The following SDHA variants were observed in gnomAD, a reference collection of about 807,000 sequenced individuals.
SDHA encodes the protein succinate dehydrogenase complex flavoprotein subunit A, also known as succinate dehydrogenase [ubiquinone] flavoprotein subunit, mitochondrial.
Under a neutral mutation model 78.4 loss-of-function variants are expected in SDHA, and 48 were observed. The ratio of observed to expected loss-of-function variants is 0.61; its 90% confidence interval spans 0.49 to 0.78. The LOEUF is 0.78. Ranked by LOEUF, SDHA falls within the 30% of genes least tolerant of loss-of-function variation. The probability of loss-of-function intolerance (pLI) is 0.00; values close to 1 mark genes in which losing one functional copy is unlikely to be tolerated. For missense variants in SDHA, 680 were observed against 892.7 expected (o/e 0.76, Z 3.04); for synonymous variants, 326 against 353.9 (o/e 0.92, Z 0.88).
chr5:262,580 A>AACCATCCCC, the SDHA span, among the ~76,000 whole-genome samples: 12 of 152,140 alleles, frequency 7.9e-5, no homozygotes, highest in Admixed American at 5.9e-4. Flanking sequence ...TTCATCTCCA[A>AACCATCCCC]ACCATCCCCA....
At chr5:234,941 T>A in intron 8 of SDHA, 1 of 643,596 alleles carries the variant, frequency 1.6e-6, no homozygotes, top group East Asian at 2.8e-5. Context: ...GTTCTGGTTC[T>A]CAGCTGTGTC....
intron 5 of SDHA, among the ~76,000 whole-genome samples, chr5:227,232 A>G (rs144351807): frequency 1.2e-3 from 177 of 152,190 alleles, no homozygotes; most frequent in African/African-American, 4.2e-3. Context: ...CTGGTCCCGA[A>G]CTCCTGAGCT....
chr5:222,070 T>G (rs918147345), intron 1 of SDHA, among the ~76,000 whole-genome samples: 3 of 152,210 alleles, frequency 2.0e-5, no homozygotes, highest in Non-Finnish European at 4.4e-5. Context: ...TGTATTAAAA[T>G]TATTTCAAAG....
At chr5:268,186 TTC>T in the SDHA span, among the ~76,000 whole-genome samples, 1 of 139,072 alleles carries the variant, frequency 7.2e-6, no homozygotes, top group Non-Finnish European at 1.5e-5. Context: ...TGTTTTTTCT[TTC>T]TTTTTTTTTT....
chr5:238,385 A>G (rs74720571), intron 10 of SDHA, among the ~76,000 whole-genome samples: 1,909 of 152,020 alleles, frequency 0.013, 41 homozygotes, highest in African/African-American at 0.043. Flanking sequence ...TGCTTGTAGC[A>G]TCACTATTCT....
rs150234234 is a variant in SDHA, at chr5:255,771, A to C, written c.1909-563A>C. Among the ~76,000 whole-genome samples, 1,227 of 152,106 alleles carry C rather than the reference A, an allele frequency of 8.1e-3. 15 individuals are homozygous for C. Among genetic ancestry groups the C allele is most frequent in the African/African-American group, 0.027 (1,124 of 41,328 alleles). On this transcript the variant is annotated intron_variant, in intron 14 of 14. Transcript: ENST00000264932. Reference sequence around the variant, plus strand: ...CAAGAAATACATACTCATTTTAGAAAGTACAAAGAGATTGAAATAAGAGCT... The same window carrying C: ...CAAGAAATACATACTCATTTTAGAACGTACAAAGAGATTGAAATAAGAGCT...
intron 5 of SDHA, 110 bp from the exon 6 acceptor site, chr5:228,075 C>T: frequency 1.9e-6 from 2 of 1,077,612 alleles, no homozygotes; most frequent in South Asian, 2.6e-5. Context: ...CTTGGATTTA[C>T]CTGGTCCATT....
At chr5:230,540 C>G (rs1364059232) in intron 6 of SDHA, among the ~76,000 whole-genome samples, 2 of 152,178 alleles carry the variant, frequency 1.3e-5, no homozygotes, top group Non-Finnish European at 2.9e-5. Flanking sequence ...GCGGAAGAAT[C>G]ACTTGAACCT....
At chr5:232,101 A>T (rs1235278332) in intron 7 of SDHA, among the ~76,000 whole-genome samples, 1 of 151,908 alleles carries the variant, frequency 6.6e-6, no homozygotes, top group Admixed American at 6.6e-5. Flanking sequence ...GACGATGGAG[A>T]CCTCTGAAGT....
chr5:265,570 T>C, the SDHA span, among the ~76,000 whole-genome samples: 2 of 152,224 alleles, frequency 1.3e-5, no homozygotes, highest in Non-Finnish European at 2.9e-5. Context: ...AAAAGTTCTT[T>C]ACAGAAGAAT....
intron 11 of SDHA, chr5:249,933 T>G (rs1487114714): frequency 6.6e-6 from 1 of 152,184 alleles, no homozygotes; most frequent in Non-Finnish European, 1.5e-5. Flanking sequence ...GATTTGTATC[T>G]AAAAATCAGT....
the SDHA span, among the ~76,000 whole-genome samples, chr5:263,997 G>A: frequency 6.8e-6 from 1 of 146,906 alleles, no homozygotes; most frequent in Non-Finnish European, 1.5e-5. Flanking sequence ...AGGGGATTAG[G>A]AACATTAATT....
chr5:220,442 C>G (rs1734649476), intron 1 of SDHA: 2 of 238,548 alleles, frequency 8.4e-6, no homozygotes, highest in East Asian at 8.8e-5. Context: ...TAATGGTGTT[C>G]TAGAAATACA....
At position 254,519 on chromosome 5, in the gene SDHA, C is replaced by T. The variant is rs753259176; in HGVS notation, c.1908+13C>T. The stretch of plus-strand genomic sequence containing the variant: ...TGGCACTGGGAAGGTCAGTGTGGAG[C>T]TCGTTCTCACCACAGCCCAGCACCC... On this transcript the variant is annotated intron_variant, in intron 14 of 14. Transcript: ENST00000264932. The T allele has an allele frequency of 6.5e-7, 1 of 1,542,564 alleles. No homozygotes were observed.
chr5:218,626 G>A (rs1734525076), intron 1 of SDHA, among the ~76,000 whole-genome samples: 1 of 152,196 alleles, frequency 6.6e-6, no homozygotes, highest in South Asian at 2.1e-4. Flanking sequence ...GTCCTTAGTA[G>A]ATAGTCCGCG....
At chr5:236,321 G>T in intron 9 of SDHA, 107 bp from the exon 10 acceptor site, 1 of 1,178,116 alleles carries the variant, frequency 8.5e-7, no homozygotes, top group Non-Finnish European at 1.3e-6. Context: ...ACCACGCCTG[G>T]CCTACTTCCC....
chr5:223,311 C>T (rs531859350), intron 1 of SDHA, among the ~76,000 whole-genome samples, 171 bp from the exon 2 acceptor site: 1 of 152,194 alleles, frequency 6.6e-6, no homozygotes, highest in Non-Finnish European at 1.5e-5. Flanking sequence ...TTCCTTGCCC[C>T]TTGGGCTGCC....
At chr5:241,140 G>T (rs1309687556) in intron 11 of SDHA, among the ~76,000 whole-genome samples, 1 of 152,116 alleles carries the variant, frequency 6.6e-6, no homozygotes, top group Admixed American at 6.5e-5. Flanking sequence ...TGACTGCTTG[G>T]CATCCAGGAC....
chr5:263,539 G>C, the SDHA span, among the ~76,000 whole-genome samples: 2 of 152,208 alleles, frequency 1.3e-5, no homozygotes, highest in Admixed American at 1.3e-4. Flanking sequence ...CTGCAGACTG[G>C]CAGGAGCAGA....
Sources: gnomAD v4.1 joint callset for allele counts (sites outside exome capture counted in the v4.1 genomes callset) on GRCh38, gnomAD v4.1.1 for gene constraint, MANE v1.5 for transcripts, NCBI Gene and HGNC (gene_info 2026-07-23, HGNC 2026-07-21) for gene names.